Variants in TLK1 observed in about 807,000 individuals in gnomAD.
TLK1 encodes the protein tousled like kinase 1.
A neutral mutation model predicts 105.3 loss-of-function variants in TLK1; 24 were observed. That is an observed-to-expected ratio of 0.23 (90% CI 0.17 to 0.32). The LOEUF is 0.32. Ranked by LOEUF, TLK1 falls within the 10% of genes least tolerant of loss-of-function variation. The pLI is 1.00. For missense variants in TLK1, 558 were observed against 910.5 expected, an observed-to-expected ratio of 0.61 and a Z score of 4.98; for synonymous variants, 321 against 310.4, an observed-to-expected ratio of 1.03 and a Z score of -0.36.
At chr2:171,108,431 T>C (rs1268878480) in intron 2 of TLK1, among the ~76,000 whole-genome samples, 2 of 152,060 alleles carry the variant, frequency 1.3e-5, no homozygotes, top group Non-Finnish European at 2.9e-5. Context: ...AAAAATTCAT[T>C]TGTCCAATGG....
chr2:171,189,214 TAG>T (rs1238456326), intron 1 of TLK1, among the ~76,000 whole-genome samples: 1 of 150,008 alleles, frequency 6.7e-6, no homozygotes, highest in African/African-American at 2.5e-5. Context: ...TCGCCCAGAC[TAG>T]AGTGCAATGG....
intron 1 of TLK1, among the ~76,000 whole-genome samples, chr2:171,138,012 A>G (rs1444596164): frequency 6.6e-6 from 1 of 152,124 alleles, no homozygotes; most frequent in Non-Finnish European, 1.5e-5. Context: ...ACTTCATACA[A>G]ATTTAGAAAA....
chr2:171,115,722 CAT>C (rs1195515401), intron 2 of TLK1, among the ~76,000 whole-genome samples: 1 of 152,130 alleles, frequency 6.6e-6, no homozygotes, highest in Non-Finnish European at 1.5e-5. Flanking sequence ...AATCAGGTAA[CAT>C]AATGCTAGAC....
In TLK1 at chr2:171,082,852, C is replaced by T. The variant is rs1230416849; in HGVS notation, c.259G>A (p.Ala87Thr). 7 of 1,600,152 alleles carry T rather than the reference C, an allele frequency of 4.4e-6. No individual in the cohort carries two copies. The highest frequency in any genetic ancestry group is 4.5e-5 in the East Asian group (2 of 44,370). The change falls in exon 3 of 21, where the codon GCC becomes ACC. Residue 87 changes from alanine to threonine, a missense_variant and splice_region_variant. By Grantham distance (58) the Ala-to-Thr change is moderately conservative. Transcript: ENST00000431350. ...STGSCSVGAKASTNNESSNHS... is the reference protein window; with the variant it reads ...STGSCSVGAKTSTNNESSNHS... ...TTAGAGCTTTCGTTATTTGTTGAGG[C>T]CTGTTAAAGATTTTTTAAAAGGTAA...
chr2:171,177,786 A>C (rs759635873), intron 1 of TLK1, among the ~76,000 whole-genome samples: 12 of 152,114 alleles, frequency 7.9e-5, no homozygotes, highest in Non-Finnish European at 1.8e-4. Context: ...TCCATACTTT[A>C]CTAACTAGCA....
chr2:171,012,294 C>A (rs1376455629), intron 13 of TLK1, among the ~76,000 whole-genome samples: 1 of 151,942 alleles, frequency 6.6e-6, no homozygotes, highest in Non-Finnish European at 1.5e-5. Flanking sequence ...TAGTTTTCAA[C>A]CCACCCTATC....
intron 18 of TLK1, among the ~76,000 whole-genome samples, chr2:171,002,606 G>C (rs1380469102): frequency 1.3e-5 from 2 of 151,886 alleles, no homozygotes; most frequent in Non-Finnish European, 2.9e-5. Flanking sequence ...CAGTCTGTGG[G>C]TATCATGCGC....
intron 4 of TLK1, among the ~76,000 whole-genome samples, chr2:171,058,832 C>T (rs1170913758): frequency 6.6e-6 from 1 of 152,048 alleles, no homozygotes; most frequent in Non-Finnish European, 1.5e-5. Flanking sequence ...AGTAACCATC[C>T]TTGACTGGAA....
chr2:171,203,979 G>C (rs751104064), intron 1 of TLK1, among the ~76,000 whole-genome samples: 2 of 152,058 alleles, frequency 1.3e-5, no homozygotes, highest in African/African-American at 4.8e-5. Flanking sequence ...TTGAACCGGT[G>C]GGGGGCAGAG....
intron 1 of TLK1, among the ~76,000 whole-genome samples, chr2:171,224,479 T>A (rs1475304503): frequency 6.6e-6 from 1 of 152,204 alleles, no homozygotes; most frequent in East Asian, 1.9e-4. Context: ...GGTATTTTGA[T>A]AGGGATTGCA....
chr2:171,139,020 A>C (rs1691460058), intron 1 of TLK1, among the ~76,000 whole-genome samples: 1 of 152,212 alleles, frequency 6.6e-6, no homozygotes, highest in Non-Finnish European at 1.5e-5. Flanking sequence ...TCGAAAGCTA[A>C]AACTTTTTTA....
chr2:171,048,799 G>T (rs1179012081), intron 10 of TLK1, among the ~76,000 whole-genome samples: 1 of 152,210 alleles, frequency 6.6e-6, no homozygotes, highest in African/African-American at 2.4e-5. Context: ...CCATGTGAAA[G>T]TAAGTTCTGC....
rs115620466 is a variant in TLK1, at chr2:171,155,417, G to A, written c.139+4873C>T. On this transcript the variant is annotated intron_variant, in intron 1 of 20. Coordinates refer to ENST00000431350, the MANE Select transcript of TLK1 (RefSeq NM_012290.5). ...GACTGATCTTGCTGACACAAGAAAA[G>A]ACAGAAAAATCCTCAGAGGAAAAGC... 3.1e-3 allele frequency among the ~76,000 whole-genome samples: 476 copies of A among 151,828 alleles called. 3 individuals carry two copies. The highest frequency in any genetic ancestry group is 5.2e-3 in the Non-Finnish European group (354 of 67,898).
At chr2:171,061,251 A>T in intron 3 of TLK1, 95 bp from the exon 4 acceptor site, 1 of 1,046,406 alleles carries the variant, frequency 9.6e-7, no homozygotes, top group Non-Finnish European at 1.4e-6. Context: ...CCAAAAAAAT[A>T]GCATTCAGTA....
intron 2 of TLK1, among the ~76,000 whole-genome samples, chr2:171,100,819 A>G (rs1314061458): frequency 1.3e-5 from 2 of 152,200 alleles, no homozygotes; most frequent in Non-Finnish European, 2.9e-5. Flanking sequence ...TTTCACTCCT[A>G]TCTATATACC....
intron 4 of TLK1, among the ~76,000 whole-genome samples, chr2:171,059,063 T>C (rs1321298721): frequency 6.6e-6 from 1 of 152,214 alleles, no homozygotes; most frequent in Non-Finnish European, 1.5e-5. Context: ...AAATTCCTTC[T>C]TGGAACAAGG....
At chr2:171,181,295 A>G (rs770995056) in intron 1 of TLK1, among the ~76,000 whole-genome samples, 1 of 152,224 alleles carries the variant, frequency 6.6e-6, no homozygotes, top group African/African-American at 2.4e-5. Context: ...TGCTTCATCA[A>G]TGAGGTGTCC....
rs1241784401 is a variant in TLK1 at position 170,991,222 on chromosome 2, TCATCTTAG to T, written c.*2550_*2557del. 4 of 152,160 alleles carry T rather than the reference TCATCTTAG, an allele frequency of 2.6e-5. No individual in the cohort carries two copies. Among genetic ancestry groups the T allele is most frequent in the African/African-American group, 9.7e-5 (4 of 41,438 alleles). 9.4% of individuals were successfully genotyped at this position (152,160 alleles called of 1,614,324 possible). The stretch of plus-strand genomic sequence containing the variant: ...CTTAATAAAAGAGAGGCCTTGGCTA[TCATCTTAG>T]GGATGCAGGACATGCTTTAATTCTG... On this transcript the variant is annotated 3_prime_UTR_variant, in exon 21 of 21. Coordinates refer to ENST00000431350, the MANE Select transcript of TLK1 (RefSeq NM_012290.5).
intron 1 of TLK1, among the ~76,000 whole-genome samples, chr2:171,186,611 A>T (rs1271388771): frequency 6.6e-6 from 1 of 152,194 alleles, no homozygotes; most frequent in Non-Finnish European, 1.5e-5. Context: ...CCCAGCACTA[A>T]AAGTCACTCT....
Sources: gnomAD v4.1 joint callset for allele counts (sites outside exome capture counted in the v4.1 genomes callset) on GRCh38, gnomAD v4.1.1 for gene constraint, MANE v1.5 for transcripts, NCBI Gene and HGNC (gene_info 2026-07-23, HGNC 2026-07-21) for gene names.